The following BMS1 variants were observed in gnomAD, a reference collection of about 807,000 sequenced individuals.
The protein encoded by BMS1 is BMS1 ribosome biogenesis factor.
BMS1 carries 53 observed loss-of-function variants against 138.7 expected under a neutral mutation model. That is an observed-to-expected ratio of 0.38 (90% confidence interval 0.31 to 0.48). BMS1 has a LOEUF of 0.48. Among genes scored for constraint, BMS1 ranks in the 20% least tolerant of loss-of-function variants. The pLI, the probability that BMS1 is intolerant of heterozygous loss-of-function variation, is 0.97. For synonymous variants in BMS1, 504 were observed against 539.9 expected, an observed-to-expected ratio of 0.93 and a Z score of 0.92; for missense variants, 1,360 against 1,565.5, an observed-to-expected ratio of 0.87 and a Z score of 2.22.
intron 13 of BMS1, among the ~76,000 whole-genome samples, chr10:42,803,936 C>G (rs1438658455): frequency 6.6e-6 from 1 of 152,154 alleles, no homozygotes; most frequent in Non-Finnish European, 1.5e-5. Context: ...ATTCAGCTGC[C>G]TTGTGTCACT....
chr10:42,795,151 T>C (rs1189015162), intron 9 of BMS1, among the ~76,000 whole-genome samples: 1 of 150,926 alleles, frequency 6.6e-6, no homozygotes, highest in African/African-American at 2.4e-5. Context: ...ATTTTCTTAA[T>C]CCAGTCTATC....
rs569034741 is a variant in BMS1, at chr10:42,806,564, G to A, written c.2329+4346G>A. ...AGCCTGGCCAACATGGTGAAACCCC[G>A]TCTCTACTAAAAATACAAAAATTAG... is the stretch of plus-strand genomic sequence containing the variant. On this transcript the variant is annotated intron_variant, in intron 13 of 22. Coordinates refer to ENST00000374518, the MANE Select transcript of BMS1 (RefSeq NM_014753.4). Among the ~76,000 whole-genome samples the A allele has an allele frequency of 3.2e-4, 48 of 151,922 alleles. No individual in the cohort carries two copies. In the South Asian group the frequency reaches 7.1e-3, roughly 22 times the overall value.
intron 13 of BMS1, among the ~76,000 whole-genome samples, chr10:42,810,566 A>G (rs536216565): frequency 2.6e-5 from 4 of 152,332 alleles, no homozygotes; most frequent in South Asian, 4.1e-4. Flanking sequence ...AAGAGTTTGT[A>G]TAGAATTGGG....
intron 9 of BMS1, among the ~76,000 whole-genome samples, chr10:42,794,401 G>A (rs1841608398): frequency 6.6e-6 from 1 of 151,976 alleles, no homozygotes; most frequent in South Asian, 2.1e-4. Context: ...CTCTGGGTAG[G>A]TTTCCGTGGA....
At chr10:42,799,542 A>G (rs1434745157) in intron 12 of BMS1, among the ~76,000 whole-genome samples, 1 of 152,258 alleles carries the variant, frequency 6.6e-6, no homozygotes, top group Admixed American at 6.5e-5. Flanking sequence ...TCGCCAGATA[A>G]CACTTAATGT....
At chr10:42,825,947 A>G (rs767669766) in intron 21 of BMS1, among the ~76,000 whole-genome samples, 3 of 152,176 alleles carry the variant, frequency 2.0e-5, no homozygotes, top group Non-Finnish European at 4.4e-5. Flanking sequence ...TTCCTTCTAT[A>G]CATAAACTGT....
Position 42,830,883 on chromosome 10 carries a change from T to A in BMS1, c.3636T>A (p.Asp1212Glu). 6.2e-7 allele frequency: 1 copy of A among 1,611,562 alleles called. No individual in the cohort carries two copies. The highest frequency in any genetic ancestry group is 1.1e-5 in the South Asian group (1 of 90,402). The change falls in exon 23 of 23, where the codon GAT (aspartate) becomes GAA (glutamate). Residue 1212 changes from aspartate to glutamate, a missense_variant. Coordinates refer to ENST00000374518, the MANE Select transcript of BMS1 (RefSeq NM_014753.4). Reference sequence around the variant, plus strand: ...CTTGTCAGATCCTTGCACTGCTGGATGCTCTGAGTACGGTGCATAGTCAGA... The same window carrying A: ...CTTGTCAGATCCTTGCACTGCTGGAAGCTCTGAGTACGGTGCATAGTCAGA... ...PHERKILALL[D>E]ALSTVHSQKM...
intron 17 of BMS1, 27 bp from the exon 18 acceptor site, chr10:42,820,907 T>C: frequency 1.3e-6 from 2 of 1,595,674 alleles, no homozygotes; most frequent in Non-Finnish European, 1.7e-6. Context: ...TGGTTCGCTA[T>C]ATTTCTTTTT....
In BMS1 at chr10:42,834,026, T is replaced by C. The variant is rs1842838954; in HGVS notation, c.*2930T>C. ...CTCTGAAATATTTTAACAATGTTTA[T>C]AGAAACCTTTCTCAATTGTATTAAA... On this transcript the variant is annotated 3_prime_UTR_variant, in exon 23 of 23. Transcript: ENST00000374518. The C allele has an allele frequency of 6.6e-6, 1 of 152,378 alleles. No individual in the cohort carries two copies. Among genetic ancestry groups the C allele is most frequent in the Admixed American group, 6.5e-5 (1 of 15,310 alleles). 9.4% of individuals were successfully genotyped at this position (152,378 alleles called of 1,614,324 possible).
intron 13 of BMS1, among the ~76,000 whole-genome samples, chr10:42,803,746 A>T (rs1239520672): frequency 6.6e-6 from 1 of 152,110 alleles, no homozygotes; most frequent in Non-Finnish European, 1.5e-5. Flanking sequence ...TTTCTTTTTT[A>T]ATCACTTCAG....
chr10:42,818,959 C>T (rs1564428017), intron 15 of BMS1, among the ~76,000 whole-genome samples: 1 of 152,178 alleles, frequency 6.6e-6, no homozygotes, highest in Non-Finnish European at 1.5e-5. Context: ...ACGGTGAAGG[C>T]AGAGTTCACC....
intron 15 of BMS1, among the ~76,000 whole-genome samples, chr10:42,818,012 C>A (rs1842400210): frequency 6.6e-6 from 1 of 152,150 alleles, no homozygotes; most frequent in Non-Finnish European, 1.5e-5. Flanking sequence ...GGCCCTCCTG[C>A]CTGGGGATGC....
intron 21 of BMS1, among the ~76,000 whole-genome samples, chr10:42,825,693 T>A (rs117460913): frequency 0.034 from 5,168 of 152,328 alleles, 150 homozygotes; most frequent in Admixed American, 0.1. Flanking sequence ...TTTTGTGGAA[T>A]CTTTGGAGTT....
At chr10:42,824,471 G>C (rs1323436718) in intron 21 of BMS1, among the ~76,000 whole-genome samples, 1 of 152,112 alleles carries the variant, frequency 6.6e-6, no homozygotes, top group Admixed American at 6.5e-5. Context: ...TGCTGTGCAG[G>C]AGCTTTTTAG....
chr10:42,805,181 A>G (rs1292560465), intron 13 of BMS1, among the ~76,000 whole-genome samples: 2 of 152,192 alleles, frequency 1.3e-5, no homozygotes, highest in African/African-American at 4.8e-5. Flanking sequence ...AGTGTTGGGT[A>G]TGGATTTAGG....
At chr10:42,824,013 AATTTT>A (rs1474012012) in intron 21 of BMS1, among the ~76,000 whole-genome samples, 8 of 152,210 alleles carry the variant, frequency 5.3e-5, no homozygotes, top group Non-Finnish European at 8.8e-5. Flanking sequence ...TTTTAAAATA[AATTTT>A]ATTTTATATA....
intron 9 of BMS1, among the ~76,000 whole-genome samples, chr10:42,795,169 G>A (rs1235806597): frequency 6.6e-6 from 1 of 151,746 alleles, no homozygotes; most frequent in Non-Finnish European, 1.5e-5. Context: ...ATCATTGTTG[G>A]ACATTTGGGT....
rs186083542 is a variant in BMS1, at chr10:42,784,547, G to C, written c.153G>C (p.Val51=). 1.2e-6 allele frequency: 2 copies of C among 1,613,304 alleles called. No individual in the cohort carries two copies. Among genetic ancestry groups the C allele is most frequent in the African/African-American group, 2.7e-5 (2 of 75,004 alleles). ...NPKAFAVQSA[V]RMARSFHRTQ... The stretch of plus-strand genomic sequence containing the variant: ...AAGCTTTTGCAGTTCAGTCTGCTGT[G>C]CGGATGGCTCGATCCTTTCACAGGT... Residue 51 remains valine, a synonymous_variant, in exon 2 of 23, where the codon GTG becomes GTC. Coordinates refer to ENST00000374518, the MANE Select transcript of BMS1 (RefSeq NM_014753.4).
chr10:42,820,253 T>C lies in BMS1; in HGVS notation c.2598T>C (p.Phe866=), dbSNP rs1842466550. The C allele has an allele frequency of 1.2e-6, 2 of 1,612,528 alleles. No homozygotes were observed. Among genetic ancestry groups the C allele is most frequent in the African/African-American group, 1.3e-5 (1 of 74,908 alleles). ...QKQAQLNRAE[F]EDQDDEARVQ... Reference sequence around the variant, plus strand: ...ATGTACAGCTGAATCGCGCAGAATTTGAAGATCAAGATGATGAAGCCAGAG... The same window carrying C: ...ATGTACAGCTGAATCGCGCAGAATTCGAAGATCAAGATGATGAAGCCAGAG... The change falls in exon 16 of 23, where the codon TTT becomes TTC. Residue 866 remains phenylalanine, a synonymous_variant. Coordinates refer to ENST00000374518, the MANE Select transcript of BMS1 (RefSeq NM_014753.4).
Sources: gnomAD v4.1 joint callset for allele counts (sites outside exome capture counted in the v4.1 genomes callset) on GRCh38, gnomAD v4.1.1 for gene constraint, MANE v1.5 for transcripts, NCBI Gene and HGNC (gene_info 2026-07-23, HGNC 2026-07-21) for gene names.